RIMS2: variants seen among roughly 807,000 people sequenced by gnomAD.
The protein encoded by RIMS2 is regulating synaptic membrane exocytosis protein 2.
In RIMS2, 59 loss-of-function variants were observed where a neutral mutation model predicts 174.4. The observed-to-expected ratio is 0.34, with a 90% confidence interval of 0.27 to 0.42. The LOEUF (loss-of-function observed/expected upper bound fraction) is 0.42. Ranked by LOEUF, RIMS2 falls within the 10% of genes least tolerant of loss-of-function variation. RIMS2 has a pLI of 1.00. For synonymous variants in RIMS2, 606 were observed against 572.5 expected, an observed-to-expected ratio of 1.06 and a Z score of -0.84; for missense variants, 1,620 against 1,666.3, an observed-to-expected ratio of 0.97 and a Z score of 0.48.
chr8:104,030,107 A>G (rs1194011345), intron 19 of RIMS2, among the ~76,000 whole-genome samples: 15 of 152,150 alleles, frequency 9.9e-5, no homozygotes, highest in Admixed American at 9.8e-4. Flanking sequence ...ATATTATAAA[A>G]TATGTTAGTA....
At chr8:103,914,081 A>G (rs1353486234) in intron 6 of RIMS2, among the ~76,000 whole-genome samples, 1 of 152,134 alleles carries the variant, frequency 6.6e-6, no homozygotes, top group Non-Finnish European at 1.5e-5. Context: ...TGGTCACAAG[A>G]TGGTGACAAT....
chr8:104,232,524 G>A (rs1587964346), intron 19 of RIMS2, among the ~76,000 whole-genome samples: 1 of 152,174 alleles, frequency 6.6e-6, no homozygotes, highest in East Asian at 1.9e-4. Flanking sequence ...AGAATCTCTA[G>A]GAAGGCTGGA....
intron 19 of RIMS2, among the ~76,000 whole-genome samples, chr8:104,064,100 T>C (rs1050975135): frequency 6.6e-6 from 1 of 152,192 alleles, no homozygotes; most frequent in Non-Finnish European, 1.5e-5. Flanking sequence ...GTTAACTTTT[T>C]TTATATTGGA....
chr8:104,220,886 C>T (rs2099151822), intron 19 of RIMS2, among the ~76,000 whole-genome samples: 1 of 152,158 alleles, frequency 6.6e-6, no homozygotes, highest in Admixed American at 6.5e-5. Flanking sequence ...GGATTGCAGG[C>T]ATGAGCCACC....
At chr8:103,694,939 G>A (rs1213957984) in intron 1 of RIMS2, among the ~76,000 whole-genome samples, 2 of 152,130 alleles carry the variant, frequency 1.3e-5, no homozygotes, top group African/African-American at 4.8e-5. Context: ...CACTGGAGTG[G>A]GCCTGGAGGC....
chr8:103,665,301 T>C (rs570390174), intron 1 of RIMS2, among the ~76,000 whole-genome samples: 7 of 152,322 alleles, frequency 4.6e-5, no homozygotes, highest in South Asian at 2.1e-4. Context: ...AGAGATTCTT[T>C]CATAGTTCAT....
rs571215817 is a variant in RIMS2 at position 103,982,758 on chromosome 8, A to G, written c.2928-6547A>G. Among the ~76,000 whole-genome samples the G allele has an allele frequency of 3.3e-5, 5 of 152,324 alleles. No homozygotes were observed. In the South Asian group the frequency reaches 1.0e-3, roughly 32 times the overall value. On this transcript the variant is annotated intron_variant, in intron 16 of 23. Transcript: ENST00000504942. ...GATGCAAGGAACATACCTCAACATG[A>G]TGAAAGCCATATACAACAGACTCAC...
At chr8:103,920,923 C>T (rs1165523906) in intron 9 of RIMS2, 22 of 313,038 alleles carry the variant, frequency 7.0e-5, no homozygotes, top group South Asian at 4.5e-4. Flanking sequence ...GGCGTGAACC[C>T]GGGAGGCGGA....
chr8:103,600,259 T>TTTTCTTTCTTTCTTTC (rs71575973), intron 1 of RIMS2, among the ~76,000 whole-genome samples: 1 of 151,172 alleles, frequency 6.6e-6, no homozygotes, highest in African/African-American at 2.4e-5. Flanking sequence ...AAATGCTACA[T>TTTTCTTTCTTTCTTTC]TTTCTTTCTT....
chr8:103,702,311 T>A (rs1266947687), intron 2 of RIMS2, among the ~76,000 whole-genome samples: 2 of 152,136 alleles, frequency 1.3e-5, no homozygotes, highest in South Asian at 2.1e-4. Context: ...GTTGTTTGAG[T>A]TTTTTGTATA....
At chr8:103,901,033 A>G (rs1286138334) in intron 4 of RIMS2, among the ~76,000 whole-genome samples, 1 of 151,776 alleles carries the variant, frequency 6.6e-6, no homozygotes, top group Non-Finnish European at 1.5e-5. Context: ...TGTGGCTACC[A>G]CTCCTACCTT....
downstream of RIMS2, chr8:104,255,433 C>T (rs2099366395): frequency 6.6e-6 from 1 of 152,164 alleles, no homozygotes; most frequent in Admixed American, 6.5e-5. Context: ...AAAAGCCCTT[C>T]TACTTTTCTC....
intron 4 of RIMS2, among the ~76,000 whole-genome samples, chr8:103,909,432 CTTA>C (rs926374147): frequency 2.0e-5 from 3 of 151,958 alleles, no homozygotes; most frequent in Middle Eastern, 3.4e-3. Context: ...TTGTAATTTA[CTTA>C]TTATAAGAAT....
At chr8:103,577,407 G>A (rs1588125855) in intron 1 of RIMS2, among the ~76,000 whole-genome samples, 2 of 152,102 alleles carry the variant, frequency 1.3e-5, no homozygotes, top group African/African-American at 4.8e-5. Flanking sequence ...ATAAGTGGGA[G>A]TTGAACAGTG....
Position 103,697,116 on chromosome 8 carries a change from A to G in RIMS2, c.207A>G (p.Lys69=), listed in dbSNP as rs754721623. 1.9e-5 allele frequency: 31 copies of G among 1,613,518 alleles called. 1 individual carries two copies. In the South Asian group the frequency reaches 3.2e-4, roughly 17 times the overall value. Residue 69 remains lysine (K), a synonymous_variant, in exon 2 of 24, where the codon AAA becomes AAG. Transcript: ENST00000504942. Reference sequence around the variant, plus strand: ...TGCATCAGCAGTTTGAAATGTATAAAGAGCAGGTAAAGAAGATGGGAGAAG... The same window carrying G: ...TGCATCAGCAGTTTGAAATGTATAAGGAGCAGGTAAAGAAGATGGGAGAAG...
At chr8:103,768,104 C>T (rs1420177966) in intron 3 of RIMS2, among the ~76,000 whole-genome samples, 1 of 152,074 alleles carries the variant, frequency 6.6e-6, no homozygotes, top group East Asian at 1.9e-4. Flanking sequence ...ATCTGCTACA[C>T]AGTGACTTCA....
At chr8:103,852,635 C>T (rs2099005522) in intron 3 of RIMS2, among the ~76,000 whole-genome samples, 1 of 151,914 alleles carries the variant, frequency 6.6e-6, no homozygotes. Context: ...TTAGCCCCCA[C>T]TTGTAAGTAA....
At chr8:104,242,353 C>T (rs1209167686) in intron 19 of RIMS2, among the ~76,000 whole-genome samples, 2 of 152,070 alleles carry the variant, frequency 1.3e-5, no homozygotes, top group Admixed American at 1.3e-4. Flanking sequence ...TCATTATGCA[C>T]CTTAAAAAAT....
intron 3 of RIMS2, chr8:103,768,962 T>C: frequency 5.2e-6 from 2 of 383,706 alleles, no homozygotes; most frequent in East Asian, 1.2e-4. Flanking sequence ...CAGGAACAAA[T>C]TGCTAAGAAA....
Sources: gnomAD v4.1 joint callset for allele counts (sites outside exome capture counted in the v4.1 genomes callset) on GRCh38, gnomAD v4.1.1 for gene constraint, MANE v1.5 for transcripts, NCBI Gene and HGNC (gene_info 2026-07-23, HGNC 2026-07-21) for gene names.